GLIS3: variants seen among roughly 807,000 people sequenced by gnomAD.
GLIS3 encodes zinc finger protein GLIS3.
A neutral mutation model predicts 78.6 loss-of-function variants in GLIS3; 53 were observed. The ratio of observed to expected loss-of-function variants is 0.67; its 90% confidence interval spans 0.54 to 0.85. GLIS3 has a LOEUF of 0.85. Ranked by LOEUF, GLIS3 falls within the 40% of genes least tolerant of loss-of-function variation. GLIS3 has a pLI of 0.00. For synonymous variants in GLIS3, 684 were observed against 509.9 expected (o/e 1.34, Z -4.60); for missense variants, 1,703 against 1,231.1 (o/e 1.38, Z -5.74).
chr9:3,879,544 G>A lies in GLIS3; in HGVS notation c.2180C>T (p.Ala727Val). ...ACTGACAGGATGTGGGGGTGGTACGGCCCCAGCAGCTGTTCCACTTCGGCT... is the reference window on the plus strand; with the variant it reads ...ACTGACAGGATGTGGGGGTGGTACGACCCCAGCAGCTGTTCCACTTCGGCT... ...YSSRSGTAAG[A>V]VPPPHPVSHP... The change falls in exon 8 of 11, where the codon GCC becomes GTC. Residue 727 changes from alanine to valine, a missense_variant. By Grantham distance (64) the Ala-to-Val change is moderately conservative (BLOSUM62 0). Transcript: ENST00000381971. 3.7e-6 allele frequency: 6 copies of A among 1,614,044 alleles called. No individual in the cohort carries two copies. The highest frequency in any genetic ancestry group is 5.1e-6 in the Non-Finnish European group (6 of 1,179,978).
At chr9:4,360,956 AG>A in the GLIS3 span, among the ~76,000 whole-genome samples, 2 of 152,216 alleles carry the variant, frequency 1.3e-5, no homozygotes, top group African/African-American at 4.8e-5. Context: ...GCCTCCAAAT[AG>A]CCTTGACCTC....
chr9:4,354,881 C>T, the GLIS3 span, among the ~76,000 whole-genome samples: 1 of 152,058 alleles, frequency 6.6e-6, no homozygotes, highest in Non-Finnish European at 1.5e-5. Context: ...CTTTGGGAGG[C>T]CGAGGTGGGC....
upstream of GLIS3, among the ~76,000 whole-genome samples, chr9:4,351,761 T>A (rs1354046940): frequency 6.6e-6 from 1 of 152,208 alleles, no homozygotes; most frequent in Non-Finnish European, 1.5e-5. Context: ...CTTAGATTTT[T>A]AAAATTAGTT....
chr9:3,995,308 T>G (rs1005612434), intron 4 of GLIS3, among the ~76,000 whole-genome samples: 1 of 152,178 alleles, frequency 6.6e-6, no homozygotes, highest in African/African-American at 2.4e-5. Context: ...CATATAGAGT[T>G]AATATAGTCT....
At chr9:3,929,915 T>C (rs1825508026) in intron 6 of GLIS3, among the ~76,000 whole-genome samples, 1 of 152,218 alleles carries the variant, frequency 6.6e-6, no homozygotes, top group African/African-American at 2.4e-5. Flanking sequence ...ATATTTCAAA[T>C]ACCAAGTCCT....
chr9:4,294,653 C>T (rs1351848858), intron 1 of GLIS3, among the ~76,000 whole-genome samples: 1 of 152,138 alleles, frequency 6.6e-6, no homozygotes, highest in African/African-American at 2.4e-5. Context: ...CACTACATTA[C>T]AGTTATTTGC....
intron 2 of GLIS3, among the ~76,000 whole-genome samples, chr9:4,160,127 A>G (rs1243822255): frequency 1.3e-5 from 2 of 152,180 alleles, no homozygotes; most frequent in Non-Finnish European, 2.9e-5. Context: ...CCACTCCACA[A>G]AATATTTTCA....
intron 2 of GLIS3, among the ~76,000 whole-genome samples, chr9:4,318,004 A>G (rs1817466301): frequency 6.6e-6 from 1 of 152,266 alleles, no homozygotes. Context: ...ACTTAGAAAG[A>G]ACATGTGTAT....
At chr9:4,383,373 AT>A in the GLIS3 span, among the ~76,000 whole-genome samples, 1 of 152,106 alleles carries the variant, frequency 6.6e-6, no homozygotes. Context: ...TTTATCTACT[AT>A]TTTCTTATTA....
At chr9:4,464,618 C>T in the GLIS3 span, among the ~76,000 whole-genome samples, 1 of 152,150 alleles carries the variant, frequency 6.6e-6, no homozygotes, top group Non-Finnish European at 1.5e-5. Flanking sequence ...TGGTTTTGAA[C>T]TCCTGACCTC....
chr9:4,201,192 A>G (rs1241368878), intron 2 of GLIS3, among the ~76,000 whole-genome samples: 2 of 152,310 alleles, frequency 1.3e-5, no homozygotes, highest in Admixed American at 1.3e-4. Flanking sequence ...CCTCAAAATA[A>G]TCAGATCATC....
chr9:4,239,340 T>G (rs1284114869), intron 2 of GLIS3, among the ~76,000 whole-genome samples: 2 of 151,286 alleles, frequency 1.3e-5, no homozygotes, highest in Non-Finnish European at 2.9e-5. Context: ...CCAAAAAAAA[T>G]GTTCTCTTAA....
intron 2 of GLIS3, among the ~76,000 whole-genome samples, chr9:4,170,141 A>G (rs1041532979): frequency 5.9e-5 from 9 of 152,340 alleles, no homozygotes; most frequent in African/African-American, 1.9e-4. Flanking sequence ...CTGAAGTGAT[A>G]AAAAAGAAAT....
intron 4 of GLIS3, among the ~76,000 whole-genome samples, chr9:3,938,343 G>A (rs1215831027): frequency 6.6e-6 from 1 of 152,186 alleles, no homozygotes; most frequent in East Asian, 1.9e-4. Context: ...AGGAAGGTAA[G>A]TTCCAGATGG....
At chr9:3,876,300 G>A (rs1821302224) in intron 8 of GLIS3, among the ~76,000 whole-genome samples, 1 of 113,358 alleles carries the variant, frequency 8.8e-6, no homozygotes, top group African/African-American at 3.1e-5. Flanking sequence ...AACTTCATTA[G>A]AGTCAAGAAG....
At chr9:4,358,004 T>TA in the GLIS3 span, among the ~76,000 whole-genome samples, 1 of 152,202 alleles carries the variant, frequency 6.6e-6, no homozygotes, top group South Asian at 2.1e-4. Context: ...CTTTGTTTTT[T>TA]AAAAAATAAG....
intron 2 of GLIS3, among the ~76,000 whole-genome samples, chr9:4,153,204 T>G (rs1586822315): frequency 6.6e-6 from 1 of 152,336 alleles, no homozygotes; most frequent in East Asian, 1.9e-4. Flanking sequence ...CTTTCCTTAT[T>G]CACTACCTTG....
chr9:4,252,232 T>G (rs555669799), intron 2 of GLIS3, among the ~76,000 whole-genome samples: 134 of 152,350 alleles, frequency 8.8e-4, no homozygotes, highest in Non-Finnish European at 2.9e-4. Context: ...CCCGTCACTT[T>G]CAGGTACACC....
chr9:4,393,200 C>T, the GLIS3 span, among the ~76,000 whole-genome samples: 70 of 152,270 alleles, frequency 4.6e-4, no homozygotes, highest in East Asian at 0.011. Flanking sequence ...TCTCCATTTG[C>T]TGTACATACC....
Sources: allele counts gnomAD v4.1 joint callset (sites outside exome capture counted in the v4.1 genomes callset), GRCh38; gene constraint gnomAD v4.1.1; transcripts MANE v1.5; gene names NCBI Gene and HGNC (gene_info 2026-07-23, HGNC 2026-07-21).